Variants in MYLK observed in about 807,000 individuals in gnomAD.
MYLK encodes myosin light chain kinase, smooth muscle.
In MYLK, 106 loss-of-function variants were observed where a neutral mutation model predicts 203.4. The observed-to-expected ratio is 0.52, with a 90% CI of 0.45 to 0.61. MYLK has a LOEUF of 0.61. Ranked by LOEUF, MYLK falls within the 20% of genes least tolerant of loss-of-function variation. The pLI is 0.00. For missense variants in MYLK, 2,072 were observed against 2,442.3 expected (o/e 0.85, Z 3.20); for synonymous variants, 867 against 959.5 (o/e 0.90, Z 1.78).
At position 123,642,395 on chromosome 3, in the gene MYLK, G is replaced by A. The variant is rs991034411; in HGVS notation, c.4620-1891C>T. On this transcript the variant is annotated intron_variant, in intron 27 of 33. Transcript: ENST00000360304. This position sits in a 1 kb window ranked among gnomAD's most constrained non-coding sequence, Gnocchi z 4.2. ...TCGTTTGATAAGCTGTGGTGGGCTA[G>A]GTGGATCTTGTCACTGACCCCTGCA... Among the ~76,000 whole-genome samples the A allele has an allele frequency of 6.6e-6, 1 of 152,220 alleles. No individual in the cohort carries two copies. The highest frequency in any genetic ancestry group is 2.4e-5 in the African/African-American group (1 of 41,464).
intron 29 of MYLK, among the ~76,000 whole-genome samples, chr3:123,636,079 C>T (rs1208244966): frequency 1.3e-5 from 2 of 152,168 alleles, no homozygotes; most frequent in East Asian, 3.8e-4. Flanking sequence ...CTGTGGGGGC[C>T]TGGCAGTGCT....
Position 123,778,615 on chromosome 3 carries a change from G to A in MYLK, c.165+15062C>T, listed in dbSNP as rs761357225. ...CCCAGGGCCTGAGATTGTCAGACCC[G>A]CCACCCTCAGAAGTAAAATCAGGCA... On this transcript the variant is annotated intron_variant, in intron 4 of 33. Coordinates refer to ENST00000360304, the MANE Select transcript of MYLK (RefSeq NM_053025.4). Among the ~76,000 whole-genome samples the A allele has an allele frequency of 5.9e-5, 9 of 151,480 alleles. No homozygotes were observed. In the South Asian group the frequency reaches 1.0e-3, roughly 18 times the overall value.
At chr3:123,746,871 A>T (rs2063034383) in intron 5 of MYLK, among the ~76,000 whole-genome samples, 1 of 152,200 alleles carries the variant, frequency 6.6e-6, no homozygotes, top group Non-Finnish European at 1.5e-5. Context: ...GTTGAAAAGC[A>T]TTTATAAAGA....
chr3:123,775,847 C>T (rs879512104), intron 4 of MYLK, among the ~76,000 whole-genome samples: 4 of 152,282 alleles, frequency 2.6e-5, no homozygotes, highest in South Asian at 4.1e-4. Context: ...CTTAAACTCA[C>T]GGCTCTCTCA....
intron 3 of MYLK, among the ~76,000 whole-genome samples, chr3:123,819,393 G>C (rs74751497): frequency 0.015 from 2,246 of 152,254 alleles, 52 homozygotes; most frequent in African/African-American, 0.051. Flanking sequence ...GTGGGGGTTG[G>C]AGCTCAAAGA....
intron 23 of MYLK, among the ~76,000 whole-genome samples, chr3:123,663,363 G>T (rs1415754459): frequency 6.6e-6 from 1 of 152,060 alleles, no homozygotes; most frequent in Admixed American, 6.5e-5. Flanking sequence ...GGAGGTCATG[G>T]TGACCTCAGA....
Position 123,673,248 on chromosome 3 carries a change from G to A in MYLK, c.3653-6061C>T, listed in dbSNP as rs72626352. 0.027 allele frequency among the ~76,000 whole-genome samples: 3,963 copies of A among 146,456 alleles called. 349 individuals carry two copies. The East Asian group carries it at 0.35, about 13-fold the overall frequency. On this transcript the variant is annotated intron_variant, in intron 20 of 33. Transcript: ENST00000360304. ...CATGATCACAGCTCACTGTAGCCTC[G>A]ACCTGCTGGGCTAAAGTGATCCTCA...
chr3:123,821,077 C>T (rs920568952), intron 3 of MYLK, among the ~76,000 whole-genome samples: 1 of 152,060 alleles, frequency 6.6e-6, no homozygotes, highest in African/African-American at 2.4e-5. Context: ...CTATAATTAC[C>T]CTCCCTCCCC....
intron 2 of MYLK, among the ~76,000 whole-genome samples, chr3:123,868,286 G>A (rs2032476807): frequency 6.6e-6 from 1 of 152,078 alleles, no homozygotes; most frequent in Admixed American, 6.5e-5. Flanking sequence ...ACCTAGCAAT[G>A]CTTTTCTTGG....
At chr3:123,697,764 G>T (rs1467444959) in intron 18 of MYLK, among the ~76,000 whole-genome samples, 1 of 152,186 alleles carries the variant, frequency 6.6e-6, no homozygotes, top group Non-Finnish European at 1.5e-5. Context: ...ATATTTAGAA[G>T]ATGTCTTACA....
At chr3:123,838,191 A>T (rs2066516444) in intron 2 of MYLK, among the ~76,000 whole-genome samples, 1 of 152,156 alleles carries the variant, frequency 6.6e-6, no homozygotes, top group South Asian at 2.1e-4. Context: ...AGGGTGAGGG[A>T]ATACATGAAA....
Position 123,701,000 on chromosome 3 carries a change from CT to C in MYLK, c.2467del (p.Arg823GlyfsTer27). The C allele has an allele frequency of 6.2e-7, 1 of 1,604,184 alleles. No homozygotes were observed. On this transcript the variant is annotated frameshift_variant, in exon 18 of 34. Coordinates refer to ENST00000360304, the MANE Select transcript of MYLK (RefSeq NM_053025.4). LOFTEE classifies it high-confidence loss of function. ...NSSARALPRG[R>X]EPASCEDLCG... ...GAGGTCCTCGCAGCTGGCAGGCTCC[CT>C]CCCCCTGCAACCAGTGTAGGGAAAA...
At chr3:123,638,732 C>T (rs916193158) in intron 28 of MYLK, 7 of 984,848 alleles carry the variant, frequency 7.1e-6, no homozygotes, top group African/African-American at 5.2e-5. Context: ...TGCTTACCAC[C>T]GTTCCTCCCT....
At chr3:123,615,497 C>G (rs971760972) in intron 33 of MYLK, among the ~76,000 whole-genome samples, 2 of 151,820 alleles carry the variant, frequency 1.3e-5, no homozygotes, top group African/African-American at 4.8e-5. Context: ...CGACACCCGG[C>G]TAATTTTTGT....
Position 123,700,834 on chromosome 3 carries a change from C to T in MYLK, c.2634G>A (p.Glu878=), listed in dbSNP as rs763347488. The T allele has an allele frequency of 2.6e-5, 42 of 1,614,014 alleles. No homozygotes were observed. The highest frequency in any genetic ancestry group is 3.4e-5 in the Non-Finnish European group (40 of 1,180,058). Reference sequence around the variant, plus strand: ...TCGCCTCCTCAGTGTGCTGCCTCGTCTCCACGCGCCTCTTCAGCACCCCTC... The same window carrying T: ...TCGCCTCCTCAGTGTGCTGCCTCGTTTCCACGCGCCTCTTCAGCACCCCTC... ...DVRGVLKRRV[E]TRQHTEEAIR... Residue 878 remains glutamate (E), a synonymous_variant, in exon 18 of 34, where the codon GAG becomes GAA. Coordinates refer to ENST00000360304, the MANE Select transcript of MYLK (RefSeq NM_053025.4).
intron 2 of MYLK, among the ~76,000 whole-genome samples, chr3:123,863,548 C>T (rs1189573364): frequency 1.3e-5 from 2 of 151,988 alleles, no homozygotes; most frequent in Admixed American, 6.6e-5. Context: ...GGGCAAAATA[C>T]TTGAATAATA....
At position 123,700,652 on chromosome 3, in the gene MYLK, GAC is replaced by G; in HGVS notation, c.2814_2815del (p.Ser939Ter). The G allele has an allele frequency of 6.2e-7, 1 of 1,614,092 alleles. No individual in the cohort carries two copies. Among genetic ancestry groups the G allele is most frequent in the Non-Finnish European group, 8.5e-7 (1 of 1,180,028 alleles). ...GCTGTGCACCTTCCTCTCTTCCTCA[GAC>G]ACAGTCTTTGGCTTCACTTGCCGCT... On this transcript the variant is annotated frameshift_variant, in exon 18 of 34. Coordinates refer to ENST00000360304, the MANE Select transcript of MYLK (RefSeq NM_053025.4). LOFTEE classifies it high-confidence loss of function.
In MYLK at chr3:123,707,763, A is replaced by C; in HGVS notation, c.2381T>G (p.Ile794Ser). ...GGACATGCAGACTCACTTGAGCAGG[A>C]TCTCATACTGGCCGGCATGCCAGGG... ...VQPWHAGQYE[I>S]LLKNRVGECS... is the part of the protein sequence containing the mutation. The change falls in exon 16 of 34, where the codon ATC becomes AGC. Residue 794 changes from isoleucine (I) to serine (S), a missense_variant. Coordinates refer to ENST00000360304, the MANE Select transcript of MYLK (RefSeq NM_053025.4). 1.2e-6 allele frequency: 2 copies of C among 1,614,194 alleles called. No individual in the cohort carries two copies. Among genetic ancestry groups the C allele is most frequent in the Non-Finnish European group, 1.7e-6 (2 of 1,180,040 alleles).
In MYLK at chr3:123,879,420, C is replaced by T. The variant is rs563334132; in HGVS notation, c.-185-2803G>A. 4.1e-4 allele frequency among the ~76,000 whole-genome samples: 62 copies of T among 152,226 alleles called. 1 individual carries two copies. The South Asian group carries it at 0.013, about 31-fold the overall frequency. Reference sequence around the variant, plus strand: ...CGGAGCCAAATGTTCCTGCCTTCCTCTCTCCTGGCAAATGCTTACCCTCCC... The same window carrying T: ...CGGAGCCAAATGTTCCTGCCTTCCTTTCTCCTGGCAAATGCTTACCCTCCC... On this transcript the variant is annotated intron_variant, in intron 1 of 33. Transcript: ENST00000360304.
Sources: allele counts gnomAD v4.1 joint callset (sites outside exome capture counted in the v4.1 genomes callset), GRCh38; gene constraint gnomAD v4.1.1; non-coding constraint Gnocchi (gnomAD v3.1); transcripts MANE v1.5; gene names NCBI Gene and HGNC (gene_info 2026-07-23, HGNC 2026-07-21).